Variants in MYCBP2 observed in about 807,000 individuals in gnomAD.
The protein encoded by MYCBP2 is MYC binding protein 2, also known as E3 ubiquitin-protein ligase MYCBP2.
MYCBP2 carries 120 observed loss-of-function variants against 525.3 expected under a neutral mutation model. The observed-to-expected ratio is 0.23, with a 90% CI of 0.20 to 0.27. MYCBP2 has a LOEUF of 0.27. MYCBP2 is among the 10% of genes least tolerant of loss of function. The pLI is 1.00. For synonymous variants in MYCBP2, 1,894 were observed against 1,955.8 expected (o/e 0.97, Z 0.83); for missense variants, 4,149 against 5,657.1 (o/e 0.73, Z 8.55).
chr13:77,057,114 G>T, intron 78 of MYCBP2, 21 bp from the exon 79 acceptor site: 1 of 1,518,676 alleles, frequency 6.6e-7, no homozygotes, highest in Non-Finnish European at 9.1e-7. Flanking sequence ...CAAAAGAAAA[G>T]GACATAAGCA....
chr13:77,228,620 A>G (rs1232812216), intron 18 of MYCBP2, among the ~76,000 whole-genome samples: 2 of 152,072 alleles, frequency 1.3e-5, no homozygotes, highest in South Asian at 4.1e-4. Context: ...TAAAAAATTG[A>G]CAGATGTGAA....
At chr13:77,232,581 A>T (rs1315490180) in intron 18 of MYCBP2, among the ~76,000 whole-genome samples, 21 of 152,192 alleles carry the variant, frequency 1.4e-4, no homozygotes, top group Non-Finnish European at 2.6e-4. Context: ...CCCTCTGACC[A>T]TCACCAGGGA....
intron 21 of MYCBP2, among the ~76,000 whole-genome samples, chr13:77,214,921 A>C (rs1018311163): frequency 6.6e-6 from 1 of 152,222 alleles, no homozygotes; most frequent in African/African-American, 2.4e-5. Flanking sequence ...TATACAGTGC[A>C]TAACTGTGTA....
chr13:77,083,508 T>A (rs1183773978), intron 62 of MYCBP2, among the ~76,000 whole-genome samples: 1 of 152,146 alleles, frequency 6.6e-6, no homozygotes, highest in African/African-American at 2.4e-5. Context: ...TGCATATATA[T>A]GTATGTGTAT....
chr13:77,125,427 G>C lies in MYCBP2; in HGVS notation c.7926C>G (p.Asn2642Lys), dbSNP rs747074485. The change falls in exon 54 of 83, where the codon AAC (asparagine) becomes AAG (lysine). Residue 2642 changes from asparagine to lysine, a missense_variant. By Grantham distance (94) the Asn-to-Lys change is moderately conservative. Around this residue, in one of 21 missense-constraint regions of MYCBP2, gnomAD observed 653 missense variants for 744.7 expected, o/e 0.88. Coordinates refer to ENST00000544440, the MANE Select transcript of MYCBP2 (RefSeq NM_015057.5). ...SEGTWVQLDQ[N>K]SMVEFCESDE... is the part of the protein sequence containing the mutation. ...CACTCTCACAGAACTCTACCATGCT[G>C]TTCTGATCCAGTTGCACCCATGTCC... 1 of 1,613,906 alleles carries C rather than the reference G, an allele frequency of 6.2e-7. No homozygotes were observed. Among genetic ancestry groups the C allele is most frequent in the Admixed American group, 1.7e-5 (1 of 60,006 alleles).
intron 46 of MYCBP2, among the ~76,000 whole-genome samples, chr13:77,155,688 G>A (rs1169791160): frequency 3.3e-5 from 5 of 152,072 alleles, no homozygotes; most frequent in African/African-American, 4.8e-5. Context: ...AACACAGAAC[G>A]TACTTGAGTC....
chr13:77,089,820 A>C (rs1486815894), intron 60 of MYCBP2, among the ~76,000 whole-genome samples: 1 of 152,060 alleles, frequency 6.6e-6, no homozygotes, highest in African/African-American at 2.4e-5. Context: ...TGGAAGGGAT[A>C]ATGGTTGTAA....
At chr13:77,157,774 G>A (rs1028478249) in intron 45 of MYCBP2, among the ~76,000 whole-genome samples, 163 bp downstream of exon 45, 2 of 151,844 alleles carry the variant, frequency 1.3e-5, no homozygotes, top group East Asian at 1.9e-4. Flanking sequence ...ACAAACAACC[G>A]CCAAACAAAA....
intron 52 of MYCBP2, among the ~76,000 whole-genome samples, chr13:77,136,442 T>A (rs1053190886): frequency 3.3e-5 from 5 of 152,224 alleles, no homozygotes; most frequent in Admixed American, 6.5e-5. Context: ...CCTTTCACAT[T>A]TCTAACTTAG....
At chr13:77,093,022 T>C (rs1403504809) in intron 59 of MYCBP2, 143 bp downstream of exon 59, 5 of 708,184 alleles carry the variant, frequency 7.1e-6, no homozygotes, top group Non-Finnish European at 1.2e-5. Context: ...TAGTCATACA[T>C]GTATGCTTTT....
intron 44 of MYCBP2, among the ~76,000 whole-genome samples, chr13:77,159,512 C>T (rs1352820691): frequency 6.6e-6 from 1 of 152,078 alleles, no homozygotes; most frequent in African/African-American, 2.4e-5. Context: ...GGCTCTGTGT[C>T]CCCACCCAAA....
At chr13:77,293,135 C>T (rs74095711) in intron 2 of MYCBP2, among the ~76,000 whole-genome samples, 4,607 of 152,084 alleles carry the variant, frequency 0.03, 239 homozygotes, top group African/African-American at 0.1. Flanking sequence ...TGAAGACAGA[C>T]GCATTTGGGA....
Position 77,262,447 on chromosome 13 carries a change from C to T in MYCBP2, c.1571-318G>A, listed in dbSNP as rs537467854. Among the ~76,000 whole-genome samples, 6 of 151,954 alleles carry T rather than the reference C, an allele frequency of 3.9e-5. No homozygotes were observed. The South Asian group carries it at 1.0e-3, about 26-fold the overall frequency. Reference sequence around the variant, plus strand: ...TATAAATGCTCAAAGTTTTATTGAGCGTTTATTAGGTACCAGGCATTATAC... The same window carrying T: ...TATAAATGCTCAAAGTTTTATTGAGTGTTTATTAGGTACCAGGCATTATAC... On this transcript the variant is annotated intron_variant, in intron 10 of 82. Transcript: ENST00000544440.
At chr13:77,243,021 G>A in intron 17 of MYCBP2, 38 bp downstream of exon 17, 1 of 1,561,788 alleles carries the variant, frequency 6.4e-7, no homozygotes, top group Non-Finnish European at 8.8e-7. Context: ...GTAGGAAAGT[G>A]GATTTTCATG....
At chr13:77,184,056 T>C (rs2060508034) in intron 32 of MYCBP2, among the ~76,000 whole-genome samples, 1 of 152,212 alleles carries the variant, frequency 6.6e-6, no homozygotes, top group Non-Finnish European at 1.5e-5. Context: ...GATTTGCTTT[T>C]CCTTCTAGAT....
In MYCBP2 at chr13:77,166,523, G is replaced by A. The variant is rs769013358; in HGVS notation, c.6146C>T (p.Thr2049Ile). The change falls in exon 41 of 83, where the codon ACA (threonine) becomes ATA (isoleucine). Residue 2049 changes from threonine (T) to isoleucine (I), a missense_variant. Around this residue, in one of 21 missense-constraint regions of MYCBP2, gnomAD observed 692 missense variants for 852.7 expected, o/e 0.81. Transcript: ENST00000544440. The part of the protein sequence containing the change: ...VTFPECVRWM[T>I]IEFDPQCGTA... ...ACCACACTGAGGGTCAAATTCGATT[G>A]TCATCCACCTCACACATTCTGGGAA... is the stretch of plus-strand genomic sequence containing the variant. 4 of 1,613,136 alleles carry A rather than the reference G, an allele frequency of 2.5e-6. No individual in the cohort carries two copies. The African/African-American group carries it at 5.3e-5, about 22-fold the overall frequency.
chr13:77,282,596 G>A (rs1029305603), intron 3 of MYCBP2, among the ~76,000 whole-genome samples: 4 of 151,468 alleles, frequency 2.6e-5, no homozygotes, highest in Admixed American at 2.0e-4. Flanking sequence ...CACCCCCTCC[G>A]ATCTCTCACA....
chr13:77,273,836 T>C (rs957930888), intron 4 of MYCBP2, among the ~76,000 whole-genome samples, 168 bp from the exon 5 acceptor site: 1 of 152,188 alleles, frequency 6.6e-6, no homozygotes, highest in African/African-American at 2.4e-5. Flanking sequence ...AGTTAAAATA[T>C]TTATGTAACA....
At chr13:77,308,603 C>A (rs1226331307) in intron 1 of MYCBP2, among the ~76,000 whole-genome samples, 1 of 152,172 alleles carries the variant, frequency 6.6e-6, no homozygotes, top group Non-Finnish European at 1.5e-5. Context: ...TATTCCCATG[C>A]CAAATTCAAA....
Sources: gnomAD v4.1 joint callset for allele counts (sites outside exome capture counted in the v4.1 genomes callset) on GRCh38, gnomAD v4.1.1 for gene constraint, gnomAD v4.1.1 regional missense constraint, MANE v1.5 for transcripts, NCBI Gene and HGNC (gene_info 2026-07-23, HGNC 2026-07-21) for gene names.